The following SOCS2 variants were observed in gnomAD, a reference collection of about 807,000 sequenced individuals.
The protein encoded by SOCS2 is suppressor of cytokine signaling 2.
SOCS2 carries 10 observed loss-of-function variants against 18.6 expected under a neutral mutation model. That is an observed-to-expected ratio of 0.54 (90% CI 0.33 to 0.91). The LOEUF (loss-of-function observed/expected upper bound fraction) is 0.91, where lower values mean the gene tolerates loss of function less well. Ranked by LOEUF, SOCS2 falls within the 40% of genes least tolerant of loss-of-function variation. The pLI is 0.02. For synonymous variants in SOCS2, 104 were observed against 104.0 expected (o/e 1.00, Z 0.00); for missense variants, 231 against 247.2 (o/e 0.93, Z 0.44).
the SOCS2 span, among the ~76,000 whole-genome samples, chr12:93,600,702 TA>T: frequency 6.6e-6 from 1 of 151,516 alleles, no homozygotes; most frequent in African/African-American, 2.4e-5. Flanking sequence ...AATCTGTTTA[TA>T]AGTTACGTAA....
the SOCS2 span, among the ~76,000 whole-genome samples, chr12:93,622,644 T>C: frequency 2.6e-5 from 4 of 152,204 alleles, no homozygotes; most frequent in African/African-American, 7.2e-5. Context: ...TCTATGCCAA[T>C]ACTCTGGTTG....
At chr12:93,583,306 A>G (rs1486806543) in exon 2 of SOCS2, 1 of 151,844 alleles carries the variant, frequency 6.6e-6, no homozygotes, top group East Asian at 1.9e-4. Flanking sequence ...TTTGCAAGTC[A>G]TTTTTCCCAT....
chr12:93,609,973 A>C, the SOCS2 span, among the ~76,000 whole-genome samples: 1 of 152,218 alleles, frequency 6.6e-6, no homozygotes, highest in Non-Finnish European at 1.5e-5. Flanking sequence ...GAAGGGGCTG[A>C]AGTTGCTTTT....
chr12:93,603,439 GTACAGCCTAAGGC>G, the SOCS2 span, among the ~76,000 whole-genome samples: 2 of 152,158 alleles, frequency 1.3e-5, no homozygotes, highest in African/African-American at 2.4e-5. Context: ...GTCCAAGTTA[GTACAGCCTAAGGC>G]TACAGCCTAC....
chr12:93,583,751 G>A (rs1954566764), downstream of SOCS2, among the ~76,000 whole-genome samples: 1 of 152,176 alleles, frequency 6.6e-6, no homozygotes, highest in South Asian at 2.1e-4. Context: ...TGGGCTTCCA[G>A]AAGACTGAAA....
the SOCS2 span, among the ~76,000 whole-genome samples, chr12:93,595,632 A>G: frequency 1.3e-5 from 2 of 152,216 alleles, no homozygotes; most frequent in Non-Finnish European, 2.9e-5. Context: ...AAAAGAAAAG[A>G]CGTGCTCTCC....
At chr12:93,616,905 T>C in the SOCS2 span, among the ~76,000 whole-genome samples, 1 of 152,212 alleles carries the variant, frequency 6.6e-6, no homozygotes, top group African/African-American at 2.4e-5. Flanking sequence ...CCTTTTGGTC[T>C]GGACCTGGCA....
chr12:93,624,768 G>A, the SOCS2 span, among the ~76,000 whole-genome samples: 1 of 152,110 alleles, frequency 6.6e-6, no homozygotes, highest in Non-Finnish European at 1.5e-5. Context: ...CCATTAAGTT[G>A]GGGGCAGGGT....
chr12:93,614,319 G>C, the SOCS2 span, among the ~76,000 whole-genome samples: 1 of 151,400 alleles, frequency 6.6e-6, no homozygotes, highest in Non-Finnish European at 1.5e-5. Flanking sequence ...CTCAACTCTG[G>C]GTGTATAGGG....
chr12:93,596,689 G>T, the SOCS2 span, among the ~76,000 whole-genome samples: 1 of 152,308 alleles, frequency 6.6e-6, no homozygotes, highest in East Asian at 1.9e-4. Flanking sequence ...TTAGCTGGGC[G>T]TGTTGGCCTG....
the SOCS2 span, among the ~76,000 whole-genome samples, chr12:93,615,952 A>G: frequency 3.3e-5 from 5 of 152,156 alleles, no homozygotes; most frequent in African/African-American, 1.2e-4. Flanking sequence ...CTCTTATTTT[A>G]CAGATAAACC....
chr12:93,621,493 C>CT, the SOCS2 span, among the ~76,000 whole-genome samples: 21 of 152,136 alleles, frequency 1.4e-4, no homozygotes, highest in Admixed American at 8.5e-4. Context: ...TCTCTCTCTC[C>CT]TTTTTTTGAG....
At chr12:93,593,276 A>C in the SOCS2 span, among the ~76,000 whole-genome samples, 2 of 151,960 alleles carry the variant, frequency 1.3e-5, no homozygotes. Context: ...ATCTGCTATG[A>C]CTCCCAAATG....
the SOCS2 span, among the ~76,000 whole-genome samples, chr12:93,611,488 C>T: frequency 1.3e-5 from 2 of 152,260 alleles, no homozygotes; most frequent in South Asian, 2.1e-4. Context: ...CCGCCTGCCT[C>T]GGCCTCCCAA....
chr12:93,617,321 C>T, the SOCS2 span, among the ~76,000 whole-genome samples: 1 of 152,132 alleles, frequency 6.6e-6, no homozygotes, highest in Non-Finnish European at 1.5e-5. Flanking sequence ...CAACAACCAG[C>T]TAAACTAAAC....
rs560378526 is a variant in SOCS2 at position 93,573,051 on chromosome 12, G to C, written c.139+15G>C. 4.9e-4 allele frequency: 768 copies of C among 1,557,524 alleles called. 14 individuals are homozygous for C. The East Asian group carries it at 0.017, about 34-fold the overall frequency. On this transcript the variant is annotated intron_variant, in intron 1 of 1. Transcript: ENST00000551556. ...CGGTCAGACAGGTAGGGAGCCGATC[G>C]GCCGCGACGCGTGCGGGAGGGAGCG...
chr12:93,589,115 C>T, the SOCS2 span, among the ~76,000 whole-genome samples: 1 of 152,324 alleles, frequency 6.6e-6, no homozygotes, highest in Admixed American at 6.5e-5. Context: ...TCCTTTGCTT[C>T]CCTCCTCTGT....
the SOCS2 span, among the ~76,000 whole-genome samples, chr12:93,614,726 C>T: frequency 5.3e-5 from 8 of 150,146 alleles, no homozygotes. Context: ...AGCGATTCTC[C>T]TGCCTCAGAC....
chr12:93,591,955 T>G, the SOCS2 span, among the ~76,000 whole-genome samples: 19 of 152,228 alleles, frequency 1.2e-4, no homozygotes, highest in African/African-American at 4.6e-4. Context: ...CCCTTTTGTT[T>G]TTGTTAATGC....
Sources: allele counts gnomAD v4.1 joint callset (sites outside exome capture counted in the v4.1 genomes callset), GRCh38; gene constraint gnomAD v4.1.1; transcripts MANE v1.5; gene names NCBI Gene and HGNC (gene_info 2026-07-23, HGNC 2026-07-21).